PRR11: variants seen among roughly 807,000 people sequenced by gnomAD.
PRR11 encodes proline-rich protein 11.
PRR11 carries 30 observed loss-of-function variants against 45.6 expected under a neutral mutation model. The ratio of observed to expected loss-of-function variants is 0.66; its 90% CI spans 0.49 to 0.89. The LOEUF is 0.89. PRR11 is among the 40% of genes least tolerant of loss of function. PRR11 has a pLI of 0.00. For synonymous variants in PRR11, 128 were observed against 153.5 expected (o/e 0.83, Z 1.23); for missense variants, 373 against 424.8 (o/e 0.88, Z 1.07).
chr17:59,178,320 C>T (rs896808803), intron 2 of PRR11, among the ~76,000 whole-genome samples: 1 of 151,662 alleles, frequency 6.6e-6, no homozygotes, highest in Admixed American at 6.6e-5. Flanking sequence ...GGCAACAGAG[C>T]GAGACTGTCT....
At chr17:59,177,586 G>T (rs1357358546) in intron 2 of PRR11, among the ~76,000 whole-genome samples, 1 of 152,158 alleles carries the variant, frequency 6.6e-6, no homozygotes, top group Non-Finnish European at 1.5e-5. Flanking sequence ...GAGTAAAGGG[G>T]CTAGGAGCTT....
chr17:59,181,996 C>T (rs2147847097), intron 2 of PRR11, among the ~76,000 whole-genome samples: 1 of 149,124 alleles, frequency 6.7e-6, no homozygotes, highest in Non-Finnish European at 1.5e-5. Flanking sequence ...TCTCTGAGTC[C>T]CTCCTTTTTT....
chr17:59,186,560 A>T (rs2046815465), intron 4 of PRR11, among the ~76,000 whole-genome samples: 1 of 149,950 alleles, frequency 6.7e-6, no homozygotes. Flanking sequence ...TGCCCGGCAA[A>T]TTTTTTAGTT....
Position 59,193,650 on chromosome 17 carries a change from T to TCCTCCA in PRR11, c.572_577dup (p.Pro191_Pro192dup), listed in dbSNP as rs558039630. On this transcript the variant is annotated inframe_insertion, in exon 5 of 10. Transcript: ENST00000262293. ...AGCCAGCCAGCCATTTTCCTCCTCC[T>TCCTCCA]CCTCCACCTCCACCTCTGCCACCTC... The TCCTCCA allele has an allele frequency of 8.9e-5, 143 of 1,613,978 alleles. No homozygotes were observed. In the East Asian group the frequency reaches 1.7e-3, roughly 19 times the overall value.
rs183346217 is a variant in PRR11, at chr17:59,202,498, A to G, written c.*867A>G. ...GGAGGATCACTTGAGGCTGTAGTGC[A>G]CTATAATTATGCCTGTGAATAGCCA... On this transcript the variant is annotated 3_prime_UTR_variant, in exon 10 of 10. Transcript: ENST00000262293. 1 of 151,854 alleles carries G rather than the reference A, an allele frequency of 6.6e-6. No homozygotes were observed. The highest frequency in any genetic ancestry group is 2.4e-5 in the African/African-American group (1 of 41,344). The allele number at this position is 151,854 out of a possible 1,614,324, so 9.4% of individuals were successfully genotyped here.
In PRR11 at chr17:59,202,522, C is replaced by T. The variant is rs1383405083; in HGVS notation, c.*891C>T. 8 of 151,762 alleles carry T rather than the reference C, an allele frequency of 5.3e-5. No individual in the cohort carries two copies. Among genetic ancestry groups the T allele is most frequent in the Non-Finnish European group, 1.2e-4 (8 of 67,938 alleles). The allele number at this position is 151,762 out of a possible 1,614,324, so 9.4% of individuals were successfully genotyped here. A position where few individuals can be genotyped will look rare whatever the true frequency, so the allele number is the denominator to read the frequency against. ...CACTATAATTATGCCTGTGAATAGC[C>T]ACTCTACTCCAGCCTGGGCAACATA... On this transcript the variant is annotated 3_prime_UTR_variant, in exon 10 of 10. Coordinates refer to ENST00000262293, the MANE Select transcript of PRR11 (RefSeq NM_018304.4).
chr17:59,185,689 T>G (rs538227855), intron 4 of PRR11, 127 bp downstream of exon 4: 1 of 870,858 alleles, frequency 1.1e-6, no homozygotes. Flanking sequence ...GCGAAAAAGT[T>G]TTCTTTGTTA....
rs200467807 is a variant in PRR11 at position 59,185,162 on chromosome 17, A to G, written c.237A>G (p.Arg79=). 5.2e-5 allele frequency: 84 copies of G among 1,614,006 alleles called. No homozygotes were observed. The highest frequency in any genetic ancestry group is 1.3e-5 in the Non-Finnish European group (15 of 1,180,020). ...ATGCAATAAAACTTTGGACAAATAG[A>G]GTATGGTCTATATACAGCTGGTGCC... The part of the protein sequence containing the change: ...IRDAIKLWTN[R]VWSIYSWCQN... Residue 79 remains arginine, a synonymous_variant, in exon 3 of 10, where the codon AGA becomes AGG. Coordinates refer to ENST00000262293, the MANE Select transcript of PRR11 (RefSeq NM_018304.4).
At chr17:59,175,045 G>T in intron 2 of PRR11, 1 of 619,970 alleles carries the variant, frequency 1.6e-6, no homozygotes. Context: ...AAGGGTATCT[G>T]GGAGTGGTTC....
intron 2 of PRR11, among the ~76,000 whole-genome samples, chr17:59,170,566 T>A (rs1286510827): frequency 6.6e-6 from 1 of 151,968 alleles, no homozygotes; most frequent in East Asian, 1.9e-4. Flanking sequence ...ATTGGCCTTC[T>A]CTTCTATTAT....
chr17:59,172,734 T>C (rs2046716726), intron 2 of PRR11, among the ~76,000 whole-genome samples: 1 of 152,206 alleles, frequency 6.6e-6, no homozygotes, highest in Admixed American at 6.5e-5. Flanking sequence ...GCTCGATTTC[T>C]CGCCGGGCCT....
intron 2 of PRR11, among the ~76,000 whole-genome samples, chr17:59,176,585 G>A (rs772282418): frequency 6.6e-5 from 10 of 151,382 alleles, no homozygotes; most frequent in South Asian, 2.1e-4. Context: ...CATCGTGTCC[G>A]CTCCTTTGCT....
intron 1 of PRR11, among the ~76,000 whole-genome samples, chr17:59,157,660 C>A (rs1402630650): frequency 1.3e-5 from 2 of 152,036 alleles, no homozygotes; most frequent in Non-Finnish European, 2.9e-5. Context: ...TGAGATCACA[C>A]CACTGCACTC....
chr17:59,206,411 C>CA lies in PRR11; in HGVS notation c.*4791dup, dbSNP rs1010405613. Among the ~76,000 whole-genome samples the CA allele has an allele frequency of 3.1e-4, 44 of 140,892 alleles. No individual in the cohort carries two copies. The highest frequency in any genetic ancestry group is 1.2e-3 in the East Asian group (6 of 4,902). 92.4% of individuals were successfully genotyped at this position (140,892 alleles called of 152,430 possible). A position where few individuals can be genotyped will look rare whatever the true frequency, so the allele number is the denominator to read the frequency against. On this transcript the variant is annotated 3_prime_UTR_variant, in exon 10 of 10. Coordinates refer to ENST00000262293, the MANE Select transcript of PRR11 (RefSeq NM_018304.4). ...TGCTTTGCTACATAATGAGGCCAGG[C>CA]AAAAAAAAAAAGTCCTGTGGAAATC...
intron 4 of PRR11, among the ~76,000 whole-genome samples, chr17:59,189,589 C>A (rs1046306943): frequency 2.6e-5 from 4 of 152,086 alleles, no homozygotes; most frequent in African/African-American, 9.7e-5. Context: ...CTGCCTCGGC[C>A]TCCCAAAGTG....
Position 59,193,544 on chromosome 17 carries a change from G to A in PRR11, c.455G>A (p.Ser152Asn), listed in dbSNP as rs763581325. The A allele has an allele frequency of 1.9e-6, 3 of 1,614,048 alleles. No homozygotes were observed. Among genetic ancestry groups the A allele is most frequent in the Non-Finnish European group, 2.5e-6 (3 of 1,180,046 alleles). Residue 152 changes from serine (S) to asparagine (N), a missense_variant, in exon 5 of 10, where the codon AGT (serine) becomes AAT (asparagine). Physicochemically the swap from Ser to Asn is conservative, Grantham distance 46. Coordinates refer to ENST00000262293, the MANE Select transcript of PRR11 (RefSeq NM_018304.4). ...CPSCGQTCHM[S>N]GKLTNVPACV... is the part of the protein sequence containing the mutation. ...AGCTGTGGTCAAACATGTCACATGA[G>A]TGGTAAACTTACAAATGTGCCTGCC...
chr17:59,185,005 T>G (rs1305560631), intron 2 of PRR11, 49 bp from the exon 3 acceptor site: 1 of 1,570,740 alleles, frequency 6.4e-7, no homozygotes, highest in East Asian at 2.2e-5. Flanking sequence ...CCAAGGCTAT[T>G]ATTCTGACTT....
chr17:59,183,757 A>G (rs1447205630), intron 2 of PRR11, among the ~76,000 whole-genome samples: 1 of 152,128 alleles, frequency 6.6e-6, no homozygotes, highest in Non-Finnish European at 1.5e-5. Flanking sequence ...TTTCCCTACC[A>G]TTTATGGATT....
chr17:59,169,799 A>G lies in PRR11; in HGVS notation c.47A>G (p.Glu16Gly). ...QRRRKLKAKA[E>G]RLFKKKEASH... Reference sequence around the variant, plus strand: ...AGACGAAAGCTAAAAGCCAAAGCCGAAAGATTATTCAAAAAAAAAGAAGCC... The same window carrying G: ...AGACGAAAGCTAAAAGCCAAAGCCGGAAGATTATTCAAAAAAAAAGAAGCC... The change falls in exon 2 of 10, where the codon GAA becomes GGA. Residue 16 changes from glutamate to glycine, a missense_variant. Physicochemically the swap from Glu to Gly is moderately conservative, Grantham distance 98. Transcript: ENST00000262293. 1 of 1,611,528 alleles carries G rather than the reference A, an allele frequency of 6.2e-7. No individual in the cohort carries two copies. The highest frequency in any genetic ancestry group is 8.5e-7 in the Non-Finnish European group (1 of 1,179,362).
Sources: gnomAD v4.1 joint callset for allele counts (sites outside exome capture counted in the v4.1 genomes callset) on GRCh38, gnomAD v4.1.1 for gene constraint, MANE v1.5 for transcripts, NCBI Gene and HGNC (gene_info 2026-07-23, HGNC 2026-07-21) for gene names.